GPR55: variants seen among roughly 807,000 people sequenced by gnomAD.
The protein encoded by GPR55 is G protein-coupled receptor 55, also known as G-protein coupled receptor 55.
GPR55 carries 6 observed loss-of-function variants against 7.9 expected under a neutral mutation model. The ratio of observed to expected loss-of-function variants is 0.76; its 90% CI spans 0.41 to 1.49. GPR55 has a LOEUF of 1.49. Among genes scored for constraint, GPR55 ranks in the 40% most tolerant of loss-of-function variants. GPR55 has a pLI of 0.01. For synonymous variants in GPR55, 183 were observed against 166.8 expected (o/e 1.10, Z -0.75); for missense variants, 376 against 406.0 (o/e 0.93, Z 0.63).
chr2:230,935,085 G>A (rs532011752), intron 1 of GPR55, among the ~76,000 whole-genome samples: 3 of 152,264 alleles, frequency 2.0e-5, no homozygotes, highest in Admixed American at 6.5e-5. Context: ...GCCTGGGGTG[G>A]GGGGCACTTT....
At chr2:230,911,363 G>T (rs1274380896) in intron 1 of GPR55, among the ~76,000 whole-genome samples, 1 of 152,198 alleles carries the variant, frequency 6.6e-6, no homozygotes, top group Admixed American at 6.5e-5. Flanking sequence ...ATGAAAACTA[G>T]GGTAGGGCTG....
At chr2:230,934,726 C>T (rs775205638) in intron 1 of GPR55, among the ~76,000 whole-genome samples, 2 of 152,156 alleles carry the variant, frequency 1.3e-5, no homozygotes, top group South Asian at 4.1e-4. Context: ...TTCTGGTTTG[C>T]CCAGAATGGA....
At chr2:230,926,055 G>A (rs10181652), upstream of GPR55, among the ~76,000 whole-genome samples, 2 of 152,202 alleles carry the variant, frequency 1.3e-5, no homozygotes, top group Non-Finnish European at 1.5e-5. Context: ...GTGCTGGGAG[G>A]CCCTGTCGGA....
chr2:230,959,175 C>G (rs925570831), intron 1 of GPR55, among the ~76,000 whole-genome samples: 3 of 152,190 alleles, frequency 2.0e-5, no homozygotes, highest in African/African-American at 7.2e-5. Flanking sequence ...GGCCAGGCAC[C>G]TAGCTCACGC....
chr2:230,948,289 C>G (rs1445222525), intron 1 of GPR55, among the ~76,000 whole-genome samples: 1 of 152,124 alleles, frequency 6.6e-6, no homozygotes, highest in Non-Finnish European at 1.5e-5. Context: ...CACTCAGAGC[C>G]TCCCCCACTC....
chr2:230,952,729 C>T (rs988567875), intron 1 of GPR55, among the ~76,000 whole-genome samples: 3 of 152,182 alleles, frequency 2.0e-5, no homozygotes, highest in African/African-American at 7.2e-5. Flanking sequence ...GGCCCACGGC[C>T]ACCCTGTCCC....
rs770175579 is a variant in GPR55 at position 230,910,308 on chromosome 2, C to T, written c.655G>A (p.Val219Met). ...CTGTAGATGCAGGCTTTCTGCTGCA[C>T]CCAGTCCTGGGTGTGGTCTCGGCGG... The part of the protein sequence containing the change: ...LGRRDHTQDW[V>M]QQKACIYSIA... Residue 219 changes from valine to methionine, a missense_variant, in exon 2 of 2, where the codon GTG (valine) becomes ATG (methionine). Physicochemically the swap from Val to Met is conservative, Grantham distance 21. Transcript: ENST00000650999. The surrounding 1 kb of genome is among the most constrained non-coding windows in gnomAD (Gnocchi z 5.4). The T allele has an allele frequency of 6.3e-5, 101 of 1,613,866 alleles. No homozygotes were observed. Among genetic ancestry groups the T allele is most frequent in the Non-Finnish European group, 7.9e-5 (93 of 1,179,940 alleles).
intron 1 of GPR55, among the ~76,000 whole-genome samples, chr2:230,960,431 G>A (rs949887090): frequency 6.6e-6 from 1 of 152,060 alleles, no homozygotes; most frequent in African/African-American, 2.4e-5. Flanking sequence ...TATGATTCTG[G>A]GCCTCTGTAA....
At chr2:230,959,842 C>T (rs576904719) in intron 1 of GPR55, among the ~76,000 whole-genome samples, 1 of 152,310 alleles carries the variant, frequency 6.6e-6, no homozygotes, top group East Asian at 1.9e-4. Context: ...TGTCTTTATA[C>T]ACTTACCTGT....
Position 230,918,015 on chromosome 2 carries a change from G to A in GPR55, c.-134-6919C>T, listed in dbSNP as rs182964949. On this transcript the variant is annotated intron_variant, in intron 1 of 1. Transcript: ENST00000650999. ...CCTAACTGCTTTAATTTTCTTTAAG[G>A]ACATTAAATAAATGAATTAAGCACT... is the stretch of plus-strand genomic sequence containing the variant. Among the ~76,000 whole-genome samples, 23 of 151,978 alleles carry A rather than the reference G, an allele frequency of 1.5e-4. 1 individual carries two copies. The East Asian group carries it at 4.0e-3, about 27-fold the overall frequency.
intron 1 of GPR55, among the ~76,000 whole-genome samples, chr2:230,950,692 C>T (rs984858217): frequency 6.6e-6 from 1 of 152,172 alleles, no homozygotes; most frequent in East Asian, 1.9e-4. Flanking sequence ...GCTCGGAACC[C>T]CCATAGTCCC....
chr2:230,948,743 T>C (rs1240903861), intron 1 of GPR55, among the ~76,000 whole-genome samples: 2 of 152,276 alleles, frequency 1.3e-5, no homozygotes, highest in Non-Finnish European at 2.9e-5. Context: ...ATAGGTCATT[T>C]AGGAAGTTTT....
chr2:230,950,626 G>C (rs1289678924), intron 1 of GPR55, among the ~76,000 whole-genome samples: 1 of 152,174 alleles, frequency 6.6e-6, no homozygotes, highest in Admixed American at 6.5e-5. Flanking sequence ...CACAAGAAGT[G>C]ACATGTGTGG....
At chr2:230,942,064 C>T (rs2125066272) in intron 1 of GPR55, among the ~76,000 whole-genome samples, 1 of 152,208 alleles carries the variant, frequency 6.6e-6, no homozygotes, top group Admixed American at 6.5e-5. Flanking sequence ...CTATACTGGG[C>T]CTTTTCTTTT....
intron 1 of GPR55, among the ~76,000 whole-genome samples, chr2:230,957,029 C>T (rs895922189): frequency 6.6e-6 from 1 of 152,114 alleles, no homozygotes; most frequent in Non-Finnish European, 1.5e-5. Flanking sequence ...GGTCTTCCAC[C>T]CACGAATGTA....
At chr2:230,934,128 A>C (rs9288671) in intron 1 of GPR55, among the ~76,000 whole-genome samples, 71,542 of 151,928 alleles carry the variant, frequency 0.47, 19,815 homozygotes, top group African/African-American at 0.78. Context: ...GCACTGGCCT[A>C]GGTATATGGG....
chr2:230,918,337 A>G (rs1559171705), intron 1 of GPR55, among the ~76,000 whole-genome samples: 1 of 152,138 alleles, frequency 6.6e-6, no homozygotes, highest in Non-Finnish European at 1.5e-5. Context: ...GATCTGTTGA[A>G]AAACCTTGAT....
chr2:230,948,555 C>T (rs938440191), intron 1 of GPR55, among the ~76,000 whole-genome samples: 1 of 152,202 alleles, frequency 6.6e-6, no homozygotes, highest in Admixed American at 6.5e-5. Flanking sequence ...TGTTTCCAGG[C>T]AGAGCCAGCA....
intron 1 of GPR55, among the ~76,000 whole-genome samples, chr2:230,956,984 C>T (rs1286347678): frequency 1.3e-5 from 2 of 151,868 alleles, no homozygotes; most frequent in Middle Eastern, 3.4e-3. Flanking sequence ...GAGTACCAAG[C>T]CTGACTGCCG....
Sources: gnomAD v4.1 joint callset for allele counts (sites outside exome capture counted in the v4.1 genomes callset) on GRCh38, gnomAD v4.1.1 for gene constraint, Gnocchi (gnomAD v3.1) non-coding constraint, MANE v1.5 for transcripts, NCBI Gene and HGNC (gene_info 2026-07-23, HGNC 2026-07-21) for gene names.